ACTL8: variants seen among roughly 807,000 people sequenced by gnomAD.
ACTL8 encodes the protein actin like 8.
A neutral mutation model predicts 9.3 loss-of-function variants in ACTL8; 3 were observed. That is an observed-to-expected ratio of 0.32 (90% confidence interval 0.15 to 0.83). ACTL8 has a LOEUF of 0.83. ACTL8 is among the 40% of genes least tolerant of loss of function. The pLI is 0.57. For missense variants in ACTL8, 381 were observed against 492.2 expected (o/e 0.77, Z 2.14); for synonymous variants, 224 against 205.9 (o/e 1.09, Z -0.75).
chr1:17,801,827 T>C (rs543031824), intron 1 of ACTL8, among the ~76,000 whole-genome samples: 1 of 152,372 alleles, frequency 6.6e-6, no homozygotes, highest in East Asian at 1.9e-4. Context: ...AACTGAAATT[T>C]ATTCATGCTT....
intron 1 of ACTL8, among the ~76,000 whole-genome samples, chr1:17,801,981 G>A (rs1180455932): frequency 4.6e-5 from 7 of 152,154 alleles, no homozygotes; most frequent in Non-Finnish European, 7.3e-5. Flanking sequence ...AAGCTGCAGC[G>A]TTGAGCTGTT....
chr1:17,819,734 A>T lies in ACTL8; in HGVS notation c.-24-3251A>T, dbSNP rs181325411. ...ACACCCGCTGGATTTTTCCCTTAAA[A>T]TTTTTTTTTACTAGGGCCAGGTGTG... On this transcript the variant is annotated intron_variant, in intron 1 of 2. Coordinates refer to ENST00000375406, the MANE Select transcript of ACTL8 (RefSeq NM_030812.3). Among the ~76,000 whole-genome samples, 351 of 151,940 alleles carry T rather than the reference A, an allele frequency of 2.3e-3. 2 individuals carry two copies. The highest frequency in any genetic ancestry group is 0.01 in the Middle Eastern group (3 of 294).
At chr1:17,801,777 A>G (rs1405519186) in intron 1 of ACTL8, among the ~76,000 whole-genome samples, 1 of 152,252 alleles carries the variant, frequency 6.6e-6, no homozygotes, top group Non-Finnish European at 1.5e-5. Flanking sequence ...TAAGAAGCAA[A>G]ATACAAATCA....
At chr1:17,807,329 A>G (rs1323564108) in intron 1 of ACTL8, among the ~76,000 whole-genome samples, 3 of 152,162 alleles carry the variant, frequency 2.0e-5, no homozygotes, top group Non-Finnish European at 4.4e-5. Flanking sequence ...GACGGCTGAC[A>G]GGTTGGAGGC....
chr1:17,790,329 T>A (rs985944292), intron 1 of ACTL8, among the ~76,000 whole-genome samples: 1 of 152,252 alleles, frequency 6.6e-6, no homozygotes, highest in African/African-American at 2.4e-5. Context: ...AGGGTCATGT[T>A]TCAGCCCTGT....
intron 1 of ACTL8, among the ~76,000 whole-genome samples, chr1:17,756,215 AG>A (rs1047412104): frequency 1.3e-5 from 2 of 151,538 alleles, no homozygotes; most frequent in African/African-American, 4.9e-5. Context: ...GGCTCTTCCC[AG>A]GGGGCCTCAG....
At chr1:17,820,420 T>C (rs942726074) in intron 1 of ACTL8, among the ~76,000 whole-genome samples, 10 of 151,784 alleles carry the variant, frequency 6.6e-5, no homozygotes, top group Non-Finnish European at 1.3e-4. Context: ...GGACTTTGGG[T>C]TGGTTTCTAT....
intron 1 of ACTL8, among the ~76,000 whole-genome samples, chr1:17,783,360 T>TG (rs1282122521): frequency 6.5e-5 from 8 of 122,664 alleles, no homozygotes; most frequent in Non-Finnish European, 9.9e-5. Flanking sequence ...TTGTTTTTTT[T>TG]TTTTAAAAAA....
chr1:17,786,872 G>GT (rs111871792), intron 1 of ACTL8, among the ~76,000 whole-genome samples: 1,644 of 147,382 alleles, frequency 0.011, 24 homozygotes, highest in African/African-American at 0.034. Flanking sequence ...TTTTTTAAAT[G>GT]TTTTTTTTTT....
At chr1:17,820,160 C>T (rs1286937329) in intron 1 of ACTL8, among the ~76,000 whole-genome samples, 1 of 152,180 alleles carries the variant, frequency 6.6e-6, no homozygotes. Context: ...CCCCTCTGGT[C>T]ATCCCCTCTC....
chr1:17,814,535 A>G (rs1449958319), intron 1 of ACTL8, among the ~76,000 whole-genome samples: 2 of 152,184 alleles, frequency 1.3e-5, no homozygotes, highest in African/African-American at 4.8e-5. Flanking sequence ...CTCCATATCT[A>G]CCAACAAAAC....
chr1:17,798,011 C>T (rs2102691013), intron 1 of ACTL8, among the ~76,000 whole-genome samples: 1 of 152,218 alleles, frequency 6.6e-6, no homozygotes, highest in South Asian at 2.1e-4. Context: ...CTGAGTCTCC[C>T]TCCATAAAGG....
rs74060066 is a variant in ACTL8 at position 17,768,479 on chromosome 1, C to T, written c.-25+12975C>T. Reference sequence around the variant, plus strand: ...GCTGGGCACTTGGCTGCTACAAGTACCTCCTGTACCCTAGAAGAGCCACAC... The same window carrying T: ...GCTGGGCACTTGGCTGCTACAAGTATCTCCTGTACCCTAGAAGAGCCACAC... On this transcript the variant is annotated intron_variant, in intron 1 of 2. Coordinates refer to ENST00000375406, the MANE Select transcript of ACTL8 (RefSeq NM_030812.3). Among the ~76,000 whole-genome samples, 636 of 148,886 alleles carry T rather than the reference C, an allele frequency of 4.3e-3. 5 individuals carry two copies. The highest frequency in any genetic ancestry group is 0.015 in the African/African-American group (604 of 41,122).
intron 1 of ACTL8, among the ~76,000 whole-genome samples, chr1:17,763,132 T>C (rs1276934811): frequency 2.0e-5 from 3 of 152,074 alleles, no homozygotes; most frequent in Non-Finnish European, 4.4e-5. Flanking sequence ...GGCCTGCGGG[T>C]CCCCAGACAC....
chr1:17,817,092 C>A (rs1287900353), intron 1 of ACTL8, among the ~76,000 whole-genome samples: 1 of 150,226 alleles, frequency 6.7e-6, no homozygotes, highest in African/African-American at 2.4e-5. Context: ...TTCATTTTGT[C>A]TAGAATTTTT....
At chr1:17,796,756 C>A (rs985083571) in intron 1 of ACTL8, among the ~76,000 whole-genome samples, 3 of 152,232 alleles carry the variant, frequency 2.0e-5, no homozygotes, top group Non-Finnish European at 2.9e-5. Flanking sequence ...AGTCTTCCGA[C>A]CTCTTCAAGC....
chr1:17,756,969 C>G (rs981845915), intron 1 of ACTL8, among the ~76,000 whole-genome samples: 2 of 152,094 alleles, frequency 1.3e-5, no homozygotes, highest in African/African-American at 2.4e-5. Context: ...TTAAAACATA[C>G]ATAGGCAGGC....
rs1318932522 is a variant in ACTL8, at chr1:17,823,257, A to G, written c.249A>G (p.Ser83=). ...GGGAGGGTGTGCAGTACCTCTGGTC[A>G]TTTGTGTTGGAGAACCACAGACGGG... The part of the protein sequence containing the change: ...LNWEGVQYLW[S]FVLENHRREQ... Residue 83 remains serine, a synonymous_variant, in exon 2 of 3, where the codon TCA becomes TCG. Coordinates refer to ENST00000375406, the MANE Select transcript of ACTL8 (RefSeq NM_030812.3). This position sits in a 1 kb window ranked among gnomAD's most constrained non-coding sequence, Gnocchi z 5.3. The G allele has an allele frequency of 1.9e-6, 3 of 1,614,064 alleles. No homozygotes were observed. Among genetic ancestry groups the G allele is most frequent in the Non-Finnish European group, 2.5e-6 (3 of 1,179,990 alleles).
In ACTL8 at chr1:17,825,796, G is replaced by A. The variant is rs766162420; in HGVS notation, c.378G>A (p.Ser126=). Residue 126 remains serine (S), a synonymous_variant, in exon 3 of 3, where the codon TCG becomes TCA. Transcript: ENST00000375406. The part of the protein sequence containing the change: ...EILFELLHVP[S]VLLADQLQMS... ...TGTTTGAGTTGCTGCATGTCCCATC[G>A]GTCCTCCTGGCCGACCAGCTGCAGA... The A allele has an allele frequency of 2.2e-5, 36 of 1,613,628 alleles. 1 individual carries two copies. Among genetic ancestry groups the A allele is most frequent in the South Asian group, 1.1e-5 (1 of 91,076 alleles).
Sources: gnomAD v4.1 joint callset for allele counts (sites outside exome capture counted in the v4.1 genomes callset) on GRCh38, gnomAD v4.1.1 for gene constraint, Gnocchi (gnomAD v3.1) non-coding constraint, MANE v1.5 for transcripts, NCBI Gene and HGNC (gene_info 2026-07-23, HGNC 2026-07-21) for gene names.